PRELID2: variants seen among roughly 807,000 people sequenced by gnomAD.
The protein encoded by PRELID2 is PRELI domain-containing protein 2.
In PRELID2, 25 loss-of-function variants were observed where a neutral mutation model predicts 28.4. That is an observed-to-expected ratio of 0.88 (90% CI 0.64 to 1.23). The LOEUF is 1.23. Among genes scored for constraint, PRELID2 ranks in the 50% most tolerant of loss-of-function variants. PRELID2 has a pLI of 0.00. For missense variants in PRELID2, 201 were observed against 214.4 expected (o/e 0.94, Z 0.39); for synonymous variants, 76 against 71.6 (o/e 1.06, Z -0.31).
intron 1 of PRELID2, among the ~76,000 whole-genome samples, chr5:145,494,222 C>T (rs1369947156): frequency 6.6e-6 from 1 of 152,158 alleles, no homozygotes. Flanking sequence ...AATCCAAAGA[C>T]TATGCCCACT....
At chr5:145,655,106 C>G (rs1754370331) in intron 1 of PRELID2, among the ~76,000 whole-genome samples, 1 of 151,630 alleles carries the variant, frequency 6.6e-6, no homozygotes, top group Non-Finnish European at 1.5e-5. Flanking sequence ...ACACCAATAA[C>G]AGACAAACAG....
the PRELID2 span, among the ~76,000 whole-genome samples, chr5:145,413,142 T>TA: frequency 2.6e-5 from 4 of 151,698 alleles, no homozygotes; most frequent in African/African-American, 7.3e-5. Context: ...AAATCAGAGA[T>TA]AAAAAATAAT....
At chr5:145,425,906 A>T in the PRELID2 span, among the ~76,000 whole-genome samples, 1 of 152,158 alleles carries the variant, frequency 6.6e-6, no homozygotes, top group African/African-American at 2.4e-5. Context: ...TCCCACTCCC[A>T]CACAGCCTTC....
intron 5 of PRELID2, among the ~76,000 whole-genome samples, chr5:145,794,688 T>G (rs1459267813): frequency 2.0e-5 from 3 of 152,116 alleles, no homozygotes; most frequent in Non-Finnish European, 4.4e-5. Flanking sequence ...TTAAGTCAAG[T>G]CATTTCTCAT....
the PRELID2 span, among the ~76,000 whole-genome samples, chr5:145,264,088 G>A: frequency 6.6e-6 from 1 of 152,158 alleles, no homozygotes; most frequent in East Asian, 1.9e-4. Flanking sequence ...GTATTGGCAT[G>A]AATCCTATCA....
At chr5:145,501,761 G>C (rs1358742089) in intron 1 of PRELID2, among the ~76,000 whole-genome samples, 1 of 152,118 alleles carries the variant, frequency 6.6e-6, no homozygotes, top group African/African-American at 2.4e-5. Context: ...TAATTCATAA[G>C]TGTCACCTCT....
At chr5:145,661,377 A>G (rs886861971) in intron 1 of PRELID2, among the ~76,000 whole-genome samples, 1 of 152,106 alleles carries the variant, frequency 6.6e-6, no homozygotes, top group Non-Finnish European at 1.5e-5. Context: ...GCGGCATTGC[A>G]TGACCCACTT....
At chr5:145,513,177 T>C (rs1210096121) in intron 1 of PRELID2, among the ~76,000 whole-genome samples, 5 of 151,464 alleles carry the variant, frequency 3.3e-5, no homozygotes, top group South Asian at 2.1e-4. Flanking sequence ...AGGTGAATAA[T>C]AACAAACTCC....
At chr5:145,747,216 A>C (rs548027374) in intron 1 of PRELID2, among the ~76,000 whole-genome samples, 1 of 151,384 alleles carries the variant, frequency 6.6e-6, no homozygotes, top group Non-Finnish European at 1.5e-5. Context: ...GACATCAAAA[A>C]CCCTCTAAAA....
intron 1 of PRELID2, among the ~76,000 whole-genome samples, chr5:145,600,091 A>T (rs1433880709): frequency 2.8e-5 from 4 of 145,310 alleles, no homozygotes; most frequent in African/African-American, 8.2e-5. Context: ...AAAACACAAG[A>T]TCTAAATAGC....
chr5:145,415,397 G>C, the PRELID2 span, among the ~76,000 whole-genome samples: 1 of 150,986 alleles, frequency 6.6e-6, no homozygotes, highest in Non-Finnish European at 1.5e-5. Context: ...CCATCATTTA[G>C]CATTAGGTAT....
rs138553169 is a variant in PRELID2 at position 145,484,277 on chromosome 5, G to A, written n.71-10962C>T. Among the ~76,000 whole-genome samples, 374 of 152,264 alleles carry A rather than the reference G, an allele frequency of 2.5e-3. 1 individual carries two copies. The highest frequency in any genetic ancestry group is 7.7e-3 in the African/African-American group (319 of 41,560). On this transcript the variant is annotated intron_variant and non_coding_transcript_variant, in intron 1 of 2. Transcript: ENST00000510259. ...GGGGCATTACAGGCACAGGGACACC[G>A]TAAGCATCCCATGGGGTAAGAAACA...
At chr5:145,286,899 T>A in the PRELID2 span, among the ~76,000 whole-genome samples, 2 of 151,938 alleles carry the variant, frequency 1.3e-5, no homozygotes, top group African/African-American at 4.8e-5. Context: ...TTAGCAGAGA[T>A]GAGTTTCACC....
the PRELID2 span, among the ~76,000 whole-genome samples, chr5:145,401,295 T>C: frequency 1.3e-5 from 2 of 152,154 alleles, no homozygotes; most frequent in East Asian, 1.9e-4. Context: ...AGAGGGTAGA[T>C]CTCATGTTAA....
At chr5:145,522,416 C>CGA (rs796348009) in intron 1 of PRELID2, among the ~76,000 whole-genome samples, 7 of 149,798 alleles carry the variant, frequency 4.7e-5, no homozygotes, top group Middle Eastern at 3.4e-3. Context: ...CACACACACA[C>CGA]GAGAGAGAGA....
At chr5:145,687,644 C>A (rs770008601) in intron 1 of PRELID2, among the ~76,000 whole-genome samples, 1 of 152,078 alleles carries the variant, frequency 6.6e-6, no homozygotes, top group Non-Finnish European at 1.5e-5. Flanking sequence ...TCCATGACAG[C>A]ATGGACATTT....
downstream of PRELID2, among the ~76,000 whole-genome samples, chr5:145,752,385 G>A (rs11952224): frequency 1.3e-5 from 2 of 152,068 alleles, no homozygotes; most frequent in Non-Finnish European, 2.9e-5. Context: ...TAATGCAATC[G>A]GAAACCATAA....
the PRELID2 span, among the ~76,000 whole-genome samples, chr5:145,331,192 A>G: frequency 2.0e-5 from 3 of 151,986 alleles, no homozygotes; most frequent in Non-Finnish European, 4.4e-5. Flanking sequence ...TTTTACTTCC[A>G]ATTATATGGT....
At chr5:145,358,340 T>C in the PRELID2 span, among the ~76,000 whole-genome samples, 1 of 152,000 alleles carries the variant, frequency 6.6e-6, no homozygotes, top group Non-Finnish European at 1.5e-5. Context: ...CCTCAGCATA[T>C]TCAAGCAGAA....
Sources: allele counts gnomAD v4.1 joint callset (sites outside exome capture counted in the v4.1 genomes callset), GRCh38; gene constraint gnomAD v4.1.1; transcripts MANE v1.5; gene names NCBI Gene and HGNC (gene_info 2026-07-23, HGNC 2026-07-21).